The following CSMD1 variants were observed in gnomAD, a reference collection of about 807,000 sequenced individuals.
CSMD1 encodes CUB and sushi domain-containing protein 1.
CSMD1 carries 213 observed loss-of-function variants against 417.5 expected under a neutral mutation model. That is an observed-to-expected ratio of 0.51 (90% CI 0.46 to 0.57). The LOEUF is 0.57. CSMD1 is among the 20% of genes least tolerant of loss of function. CSMD1 has a pLI of 0.00. For missense variants in CSMD1, 6,923 were observed against 4,529.7 expected, an observed-to-expected ratio of 1.53 and a Z score of -15.17; for synonymous variants, 2,862 against 1,736.8, an observed-to-expected ratio of 1.65 and a Z score of -16.11.
intron 3 of CSMD1, among the ~76,000 whole-genome samples, chr8:4,371,416 G>A (rs578109619): frequency 6.6e-6 from 1 of 152,176 alleles, no homozygotes; most frequent in African/African-American, 2.4e-5. Context: ...TTTAATTCAA[G>A]TAAGCATTAG....
chr8:4,021,849 T>C (rs958891734), intron 4 of CSMD1, among the ~76,000 whole-genome samples: 4 of 152,042 alleles, frequency 2.6e-5, no homozygotes, highest in Non-Finnish European at 5.9e-5. Flanking sequence ...GGCTCAGAGA[T>C]AACAATGAAA....
intron 5 of CSMD1, among the ~76,000 whole-genome samples, chr8:3,898,343 T>C (rs1807504676): frequency 7.1e-6 from 1 of 141,188 alleles, no homozygotes; most frequent in Admixed American, 7.7e-5. Context: ...GCTATGTGTG[T>C]AGTAAACTCT....
At chr8:4,859,965 G>A (rs1802027829) in intron 1 of CSMD1, among the ~76,000 whole-genome samples, 1 of 152,090 alleles carries the variant, frequency 6.6e-6, no homozygotes, top group African/African-American at 2.4e-5. Context: ...GCACACATAT[G>A]TTTATTGCCG....
At chr8:4,173,912 G>A (rs1797899538) in intron 3 of CSMD1, among the ~76,000 whole-genome samples, 1 of 152,108 alleles carries the variant, frequency 6.6e-6, no homozygotes, top group Non-Finnish European at 1.5e-5. Context: ...AGTACACATG[G>A]CTCAGGGTAT....
chr8:3,329,323 G>A (rs1209435841), intron 23 of CSMD1, among the ~76,000 whole-genome samples: 1 of 152,050 alleles, frequency 6.6e-6, no homozygotes. Context: ...CTAAGAGCAG[G>A]CTTCATCATG....
At chr8:4,715,850 G>C (rs1431114800) in intron 1 of CSMD1, among the ~76,000 whole-genome samples, 2 of 152,142 alleles carry the variant, frequency 1.3e-5, no homozygotes, top group Non-Finnish European at 1.5e-5. Context: ...GACTTTGCTT[G>C]GATTACGGGA....
At chr8:4,772,090 T>A (rs796377325) in intron 1 of CSMD1, among the ~76,000 whole-genome samples, 1 of 152,160 alleles carries the variant, frequency 6.6e-6, no homozygotes, top group Non-Finnish European at 1.5e-5. Flanking sequence ...TCCTGCAGGC[T>A]TGACGGGGAA....
At chr8:3,867,278 C>T (rs1482744861) in intron 5 of CSMD1, among the ~76,000 whole-genome samples, 1 of 152,134 alleles carries the variant, frequency 6.6e-6, no homozygotes, top group African/African-American at 2.4e-5. Context: ...CATTACATAT[C>T]TTGAATATAA....
chr8:4,827,270 T>G (rs1278329280), intron 1 of CSMD1, among the ~76,000 whole-genome samples: 2 of 152,112 alleles, frequency 1.3e-5, no homozygotes, highest in Admixed American at 1.3e-4. Context: ...GGACTAATAT[T>G]TACTTCATTA....
intron 3 of CSMD1, among the ~76,000 whole-genome samples, chr8:4,091,594 C>T (rs1282343826): frequency 1.3e-5 from 2 of 152,196 alleles, no homozygotes; most frequent in Non-Finnish European, 2.9e-5. Context: ...AATTGTAGGA[C>T]ATACACCTCA....
At chr8:3,847,462 G>A (rs773707618) in intron 5 of CSMD1, among the ~76,000 whole-genome samples, 2 of 152,100 alleles carry the variant, frequency 1.3e-5, no homozygotes, top group Non-Finnish European at 2.9e-5. Context: ...GAGCATCTCA[G>A]CCCTATACTT....
At chr8:4,709,567 G>A (rs865906325) in intron 1 of CSMD1, among the ~76,000 whole-genome samples, 4 of 152,340 alleles carry the variant, frequency 2.6e-5, no homozygotes, top group Middle Eastern at 3.4e-3. Context: ...GTTGCTCACC[G>A]TGGATGGGAA....
chr8:4,233,310 A>T (rs756515165), intron 3 of CSMD1, among the ~76,000 whole-genome samples: 1 of 152,298 alleles, frequency 6.6e-6, no homozygotes, highest in Non-Finnish European at 1.5e-5. Flanking sequence ...CTCAAATTTG[A>T]ATGTTAAAAA....
intron 2 of CSMD1, among the ~76,000 whole-genome samples, chr8:4,451,977 TAC>T (rs1285522461): frequency 4.7e-5 from 7 of 149,162 alleles, no homozygotes; most frequent in African/African-American, 1.7e-4. Context: ...TAATTTGATA[TAC>T]ATATAGTTTG....
At chr8:3,833,203 C>G (rs1251098633) in intron 5 of CSMD1, among the ~76,000 whole-genome samples, 2 of 152,162 alleles carry the variant, frequency 1.3e-5, no homozygotes, top group African/African-American at 2.4e-5. Context: ...AATTTTTAAT[C>G]AAGAATTTTT....
intron 10 of CSMD1, among the ~76,000 whole-genome samples, chr8:3,510,869 A>G (rs532296024): frequency 5.3e-4 from 81 of 151,846 alleles, no homozygotes; most frequent in African/African-American, 1.9e-3. Flanking sequence ...TTTTCCTTGT[A>G]AATTTGTTTA....
intron 7 of CSMD1, among the ~76,000 whole-genome samples, chr8:3,622,961 T>G (rs1176969551): frequency 6.6e-6 from 1 of 152,242 alleles, no homozygotes; most frequent in African/African-American, 2.4e-5. Flanking sequence ...TTTGTTGAAT[T>G]ATATCTTTTC....
At chr8:3,040,774 G>A (rs1236463773) in intron 50 of CSMD1, among the ~76,000 whole-genome samples, 1 of 152,118 alleles carries the variant, frequency 6.6e-6, no homozygotes, top group Non-Finnish European at 1.5e-5. Flanking sequence ...CTGCACTCCA[G>A]CCTGGGTGGC....
intron 57 of CSMD1, 143 bp downstream of exon 57, chr8:2,972,974 C>T (rs1804591417): frequency 1.3e-6 from 1 of 784,346 alleles, no homozygotes; most frequent in Non-Finnish European, 2.0e-6. Flanking sequence ...TCTGATGATG[C>T]TTCCACAAAT....
Sources: allele counts gnomAD v4.1 joint callset (sites outside exome capture counted in the v4.1 genomes callset), GRCh38; gene constraint gnomAD v4.1.1; transcripts MANE v1.5; gene names NCBI Gene and HGNC (gene_info 2026-07-23, HGNC 2026-07-21).